The following MYO3B variants were observed in gnomAD, a reference collection of about 807,000 sequenced individuals.
MYO3B encodes myosin-IIIb.
In MYO3B, 156 loss-of-function variants were observed where a neutral mutation model predicts 174.6. That is an observed-to-expected ratio of 0.89 (90% CI 0.78 to 1.02). MYO3B has a LOEUF of 1.02. Among genes scored for constraint, MYO3B ranks in the 50% least tolerant of loss-of-function variants. The pLI is 0.00. For synonymous variants in MYO3B, 563 were observed against 569.1 expected (o/e 0.99, Z 0.15); for missense variants, 1,632 against 1,639.4 (o/e 1.00, Z 0.08).
chr2:170,329,166 C>G (rs542651944), intron 7 of MYO3B, among the ~76,000 whole-genome samples: 189 of 142,642 alleles, frequency 1.3e-3, no homozygotes, highest in Non-Finnish European at 8.6e-4. Context: ...AAAAAAAATA[C>G]TACTACTACT....
chr2:170,626,659 T>C (rs1023453800), intron 32 of MYO3B, among the ~76,000 whole-genome samples: 3 of 152,232 alleles, frequency 2.0e-5, no homozygotes, highest in African/African-American at 7.2e-5. Context: ...TCTTTACAAT[T>C]TGGCAAGTTT....
At chr2:170,182,306 A>G (rs1025082145) in intron 1 of MYO3B, among the ~76,000 whole-genome samples, 3 of 152,182 alleles carry the variant, frequency 2.0e-5, no homozygotes, top group African/African-American at 7.2e-5. Context: ...GGAATGAGGT[A>G]GCAATCTGGC....
At chr2:170,405,256 T>C (rs1170201901) in intron 20 of MYO3B, among the ~76,000 whole-genome samples, 1 of 152,226 alleles carries the variant, frequency 6.6e-6, no homozygotes, top group Admixed American at 6.5e-5. Flanking sequence ...GTTCTAAAAC[T>C]AACTGGCAGG....
chr2:170,367,484 C>G (rs1248492032), intron 8 of MYO3B, among the ~76,000 whole-genome samples: 1 of 152,156 alleles, frequency 6.6e-6, no homozygotes, highest in African/African-American at 2.4e-5. Context: ...GTGTGCACAA[C>G]TACCGGGTGC....
rs1418863208 is a variant in MYO3B at position 170,649,278 on chromosome 2, A to AATAAT, written c.3734-2346_3734-2342dup. Among the ~76,000 whole-genome samples the AATAAT allele has an allele frequency of 3.9e-3, 218 of 55,766 alleles. 24 individuals are homozygous for AATAAT. The highest frequency in any genetic ancestry group is 0.02 in the Admixed American group (58 of 2,888). The allele number at this position is 55,766 out of a possible 152,430, so 36.6% of individuals were successfully genotyped here. ...ATAATATATAATATATTATATATAA[A>AATAAT]ATAATATATATTATATATAAAATAA... On this transcript the variant is annotated intron_variant, in intron 32 of 34. Transcript: ENST00000408978.
chr2:170,294,226 C>T (rs2093614492), intron 7 of MYO3B, among the ~76,000 whole-genome samples: 1 of 151,832 alleles, frequency 6.6e-6, no homozygotes, highest in African/African-American at 2.4e-5. Context: ...TCTCCATATA[C>T]TGTTCTCTTT....
At chr2:170,295,483 A>G (rs533163270) in intron 7 of MYO3B, among the ~76,000 whole-genome samples, 51 of 152,110 alleles carry the variant, frequency 3.4e-4, no homozygotes, top group African/African-American at 1.1e-3. Flanking sequence ...AAGAATCTCT[A>G]TCTTTACCTA....
intron 25 of MYO3B, among the ~76,000 whole-genome samples, chr2:170,487,326 C>T (rs916693428): frequency 1.3e-5 from 2 of 152,140 alleles, no homozygotes; most frequent in African/African-American, 4.8e-5. Context: ...AAAATGATGT[C>T]CTTCATATTT....
Position 170,615,772 on chromosome 2 carries a change from C to G in MYO3B, c.3734-35856C>G, listed in dbSNP as rs538378131. On this transcript the variant is annotated intron_variant, in intron 32 of 34. Transcript: ENST00000408978. ...CACACAAGATAGTGAAAGCTGGGTC[C>G]AGGGGGTTCACTGCCTTCCGGTCCC... Among the ~76,000 whole-genome samples, 4 of 152,212 alleles carry G rather than the reference C, an allele frequency of 2.6e-5. No individual in the cohort carries two copies. The South Asian group carries it at 6.2e-4, about 24-fold the overall frequency.
chr2:170,424,614 A>G (rs1466730355), intron 22 of MYO3B, among the ~76,000 whole-genome samples: 1 of 152,206 alleles, frequency 6.6e-6, no homozygotes, highest in African/African-American at 2.4e-5. Flanking sequence ...GCCTCAAAAA[A>G]AAAGAGAAAA....
chr2:170,619,585 C>T (rs991045757), intron 32 of MYO3B, among the ~76,000 whole-genome samples: 18 of 151,940 alleles, frequency 1.2e-4, no homozygotes, highest in Admixed American at 2.6e-4. Flanking sequence ...CTCCCAACCA[C>T]GTCTCTCACC....
intron 23 of MYO3B, among the ~76,000 whole-genome samples, chr2:170,454,436 T>C (rs963103680): frequency 6.6e-6 from 1 of 152,174 alleles, no homozygotes; most frequent in African/African-American, 2.4e-5. Context: ...GTGGTGGAGC[T>C]ACAGACAGAC....
intron 9 of MYO3B, among the ~76,000 whole-genome samples, chr2:170,370,921 A>C (rs1171381955): frequency 6.7e-6 from 1 of 149,178 alleles, no homozygotes; most frequent in Non-Finnish European, 1.5e-5. Flanking sequence ...TTTTTTTTTC[A>C]AAAAGAAAAA....
chr2:170,558,262 C>G (rs1350205115), intron 32 of MYO3B, among the ~76,000 whole-genome samples: 1 of 151,582 alleles, frequency 6.6e-6, no homozygotes. Flanking sequence ...GATCGTACCA[C>G]TGTACTCCAG....
intron 7 of MYO3B, among the ~76,000 whole-genome samples, chr2:170,330,734 T>C (rs919832525): frequency 6.6e-6 from 1 of 152,222 alleles, no homozygotes; most frequent in African/African-American, 2.4e-5. Flanking sequence ...TTCAGGGACC[T>C]GGCGACATTT....
intron 7 of MYO3B, among the ~76,000 whole-genome samples, chr2:170,254,771 G>A (rs897521260): frequency 2.0e-5 from 3 of 152,318 alleles, no homozygotes; most frequent in East Asian, 1.9e-4. Context: ...TCATGTGCCA[G>A]CATGGGAACT....
chr2:170,484,561 T>G (rs1283235842), intron 25 of MYO3B, among the ~76,000 whole-genome samples: 1 of 152,170 alleles, frequency 6.6e-6, no homozygotes, highest in Non-Finnish European at 1.5e-5. Context: ...AGTAGCAGTA[T>G]CAGAAACATT....
At chr2:170,429,572 G>A (rs1037861016) in intron 22 of MYO3B, among the ~76,000 whole-genome samples, 79 of 152,228 alleles carry the variant, frequency 5.2e-4, no homozygotes, top group Non-Finnish European at 1.5e-5. Context: ...AATAATAAAT[G>A]TTTTAATGCT....
At chr2:170,404,429 A>G in intron 20 of MYO3B, 29 bp downstream of exon 20, 1 of 1,573,034 alleles carries the variant, frequency 6.4e-7, no homozygotes, top group South Asian at 1.2e-5. Flanking sequence ...ACAGGCATAT[A>G]CATTTAGAAC....
Sources: gnomAD v4.1 joint callset for allele counts (sites outside exome capture counted in the v4.1 genomes callset) on GRCh38, gnomAD v4.1.1 for gene constraint, MANE v1.5 for transcripts, NCBI Gene and HGNC (gene_info 2026-07-23, HGNC 2026-07-21) for gene names.